GBE1: variants seen among roughly 807,000 people sequenced by gnomAD.
GBE1 encodes the protein 1,4-alpha-glucan-branching enzyme.
In GBE1, 70 loss-of-function variants were observed where a neutral mutation model predicts 88.8. The ratio of observed to expected loss-of-function variants is 0.79; its 90% CI spans 0.65 to 0.96. The LOEUF (loss-of-function observed/expected upper bound fraction) is 0.96. Ranked by LOEUF, GBE1 falls within the 40% of genes least tolerant of loss-of-function variation. GBE1 has a pLI of 0.00. For missense variants in GBE1, 872 were observed against 871.0 expected (o/e 1.00, Z -0.01); for synonymous variants, 284 against 300.1 (o/e 0.95, Z 0.56).
intron 7 of GBE1, among the ~76,000 whole-genome samples, chr3:81,627,553 T>C (rs1225113346): frequency 6.6e-6 from 1 of 152,062 alleles, no homozygotes; most frequent in Non-Finnish European, 1.5e-5. Flanking sequence ...GAATCTGGAT[T>C]TGAAAAATCA....
intron 12 of GBE1, among the ~76,000 whole-genome samples, chr3:81,562,750 A>G (rs965949595): frequency 6.6e-6 from 1 of 152,076 alleles, no homozygotes; most frequent in African/African-American, 2.4e-5. Context: ...ATATATCGCC[A>G]AAGAGAAACC....
chr3:81,537,050 C>A lies in GBE1; in HGVS notation c.1664G>T (p.Gly555Val). The A allele has an allele frequency of 6.4e-7, 1 of 1,567,646 alleles. No homozygotes were observed. Among genetic ancestry groups the A allele is most frequent in the Non-Finnish European group, 8.6e-7 (1 of 1,161,318 alleles). The change falls in exon 13 of 16, where the codon GGA becomes GTA. Residue 555 changes from glycine (G) to valine (V), a missense_variant. Physicochemically the swap from Gly to Val is moderately radical, Grantham distance 109. Coordinates refer to ENST00000429644, the MANE Select transcript of GBE1 (RefSeq NM_000158.4). ...GGCATAATGGTAACTCTCATTATTT[C>A]CTTTTCTTGGGAAGTCTAACCATTC... ...HPEWLDFPRK[G>V]NNESYHYARR...
At chr3:81,734,415 A>G (rs1244343497) in intron 1 of GBE1, among the ~76,000 whole-genome samples, 4 of 132,238 alleles carry the variant, frequency 3.0e-5, no homozygotes, top group Admixed American at 1.5e-4. Flanking sequence ...TCATTTGGGG[A>G]AAAAAACCTA....
chr3:81,576,425 T>C (rs889659602), intron 12 of GBE1, among the ~76,000 whole-genome samples: 1 of 152,196 alleles, frequency 6.6e-6, no homozygotes, highest in African/African-American at 2.4e-5. Context: ...TATACTTTTG[T>C]ACATGAAATA....
chr3:81,605,274 A>T (rs1704088978), intron 7 of GBE1, among the ~76,000 whole-genome samples: 1 of 152,188 alleles, frequency 6.6e-6, no homozygotes, highest in African/African-American at 2.4e-5. Flanking sequence ...TTAATTTAAC[A>T]ATCTACCCAT....
intron 2 of GBE1, among the ~76,000 whole-genome samples, chr3:81,675,136 C>T (rs1245951314): frequency 1.3e-5 from 2 of 151,976 alleles, no homozygotes; most frequent in African/African-American, 4.8e-5. Flanking sequence ...CCAGGGACTA[C>T]ACTTTAGAAA....
rs146876386 is a variant in GBE1, at chr3:81,636,134, T to C, written c.992+6647A>G. 3.9e-5 allele frequency among the ~76,000 whole-genome samples: 6 copies of C among 152,288 alleles called. No individual in the cohort carries two copies. In the East Asian group the frequency reaches 1.2e-3, roughly 29 times the overall value. ...TGTGAGAGAAGTTATATTTCTACCA[T>C]TCAAACTCAAATCCAGACAGATTGG... On this transcript the variant is annotated intron_variant, in intron 7 of 15. Coordinates refer to ENST00000429644, the MANE Select transcript of GBE1 (RefSeq NM_000158.4).
chr3:81,615,300 T>C (rs1054194980), intron 7 of GBE1, among the ~76,000 whole-genome samples: 1 of 152,154 alleles, frequency 6.6e-6, no homozygotes, highest in African/African-American at 2.4e-5. Context: ...TTACCCATTT[T>C]CCCCAAATAA....
chr3:81,595,479 G>C (rs1436931298), intron 7 of GBE1, among the ~76,000 whole-genome samples: 1 of 151,696 alleles, frequency 6.6e-6, no homozygotes, highest in Non-Finnish European at 1.5e-5. Context: ...AGCATATATC[G>C]ATATTTTGTA....
chr3:81,694,126 T>C (rs1037313017), intron 2 of GBE1, among the ~76,000 whole-genome samples: 2 of 149,892 alleles, frequency 1.3e-5, no homozygotes, highest in East Asian at 3.9e-4. Context: ...TGCTGAGGAA[T>C]AAGACGATCA....
chr3:81,507,236 T>C (rs1313111283), intron 14 of GBE1, among the ~76,000 whole-genome samples: 2 of 152,194 alleles, frequency 1.3e-5, no homozygotes, highest in African/African-American at 2.4e-5. Context: ...ATAATATTTC[T>C]AAAATAAAAT....
At chr3:81,669,799 C>A (rs150566608) in intron 3 of GBE1, among the ~76,000 whole-genome samples, 246 of 152,264 alleles carry the variant, frequency 1.6e-3, no homozygotes, top group Middle Eastern at 6.8e-3. Flanking sequence ...TGCTAAACAT[C>A]TTCTTATCCC....
chr3:81,711,681 A>G (rs1705868281), intron 1 of GBE1, among the ~76,000 whole-genome samples: 1 of 152,226 alleles, frequency 6.6e-6, no homozygotes, highest in Non-Finnish European at 1.5e-5. Context: ...CTTAAATGTT[A>G]GACCTAAAAC....
intron 15 of GBE1, among the ~76,000 whole-genome samples, 170 bp downstream of exon 15, chr3:81,498,940 A>G (rs1042719118): frequency 6.6e-6 from 1 of 152,076 alleles, no homozygotes; most frequent in Non-Finnish European, 1.5e-5. Context: ...CCAAAACCCA[A>G]TTTTTACACA....
In GBE1 at chr3:81,642,946, G is replaced by C. The variant is rs532620292; in HGVS notation, c.827C>G (p.Ala276Gly). 6.2e-7 allele frequency: 1 copy of C among 1,612,850 alleles called. No individual in the cohort carries two copies. The highest frequency in any genetic ancestry group is 2.2e-5 in the East Asian group (1 of 44,784). Residue 276 changes from alanine to glycine, a missense_variant, in exon 7 of 16, where the codon GCT (alanine) becomes GGT (glycine). Physicochemically the swap from Ala to Gly is moderately conservative, Grantham distance 60. Coordinates refer to ENST00000429644, the MANE Select transcript of GBE1 (RefSeq NM_000158.4). ...GAGGACTATGATACCCATGGAATGAGCTGTGTCTACCAGTTCTTGTAGCTC... is the reference window on the plus strand; with the variant it reads ...GAGGACTATGATACCCATGGAATGACCTGTGTCTACCAGTTCTTGTAGCTC... ...PEELQELVDT[A>G]HSMGIIVLLD... is the part of the protein sequence containing the mutation.
chr3:81,576,943 T>G lies in GBE1; in HGVS notation c.1618+982A>C, dbSNP rs188314518. Among the ~76,000 whole-genome samples, 19 of 152,174 alleles carry G rather than the reference T, an allele frequency of 1.2e-4. 1 individual carries two copies. The East Asian group carries it at 3.7e-3, about 29-fold the overall frequency. ...CAAGTAGAAGTGAATAATTCAAAGA[T>G]CCAGGGCTTTTTAAAAATTAGAGAT... is the stretch of plus-strand genomic sequence containing the variant. On this transcript the variant is annotated intron_variant, in intron 12 of 15. Transcript: ENST00000429644.
intron 10 of GBE1, among the ~76,000 whole-genome samples, chr3:81,583,358 T>C (rs1040977389): frequency 2.0e-5 from 3 of 152,140 alleles, no homozygotes; most frequent in Admixed American, 2.0e-4. Flanking sequence ...GTTCAGTAAT[T>C]GTAGTGTTTG....
chr3:81,570,882 C>G (rs952758582), intron 12 of GBE1, among the ~76,000 whole-genome samples: 1 of 151,934 alleles, frequency 6.6e-6, no homozygotes, highest in African/African-American at 2.4e-5. Context: ...TAAATGTGTC[C>G]CCATACATGC....
At chr3:81,595,705 A>G (rs1175097825) in intron 7 of GBE1, among the ~76,000 whole-genome samples, 3 of 151,984 alleles carry the variant, frequency 2.0e-5, no homozygotes, top group Non-Finnish European at 4.4e-5. Context: ...AGGTTTCACT[A>G]AAGTCAAAGG....
Sources: allele counts gnomAD v4.1 joint callset (sites outside exome capture counted in the v4.1 genomes callset), GRCh38; gene constraint gnomAD v4.1.1; transcripts MANE v1.5; gene names NCBI Gene and HGNC (gene_info 2026-07-23, HGNC 2026-07-21).